The following EPHB1 variants were observed in gnomAD, a reference collection of about 807,000 sequenced individuals.
EPHB1 encodes ephrin type-B receptor 1.
Under a neutral mutation model 94.4 loss-of-function variants are expected in EPHB1, and 30 were observed. That is an observed-to-expected ratio of 0.32 (90% CI 0.24 to 0.43). The LOEUF is 0.43. EPHB1 is among the 20% of genes least tolerant of loss of function. EPHB1 has a pLI of 1.00. For missense variants in EPHB1, 1,055 were observed against 1,308.3 expected (o/e 0.81, Z 2.99); for synonymous variants, 522 against 489.1 (o/e 1.07, Z -0.89).
chr3:135,129,026 A>G (rs1028278375), intron 4 of EPHB1, among the ~76,000 whole-genome samples: 1 of 152,140 alleles, frequency 6.6e-6, no homozygotes. Context: ...CTTGGAAGGA[A>G]GGGATTCAGA....
chr3:135,243,873 C>T (rs2107729245), intron 13 of EPHB1, among the ~76,000 whole-genome samples: 1 of 152,272 alleles, frequency 6.6e-6, no homozygotes, highest in Admixed American at 6.5e-5. Flanking sequence ...GTGGCAGTGT[C>T]TGTGGAGAGG....
At chr3:135,147,210 T>C (rs1315225845) in intron 5 of EPHB1, among the ~76,000 whole-genome samples, 1 of 152,082 alleles carries the variant, frequency 6.6e-6, no homozygotes, top group Non-Finnish European at 1.5e-5. Flanking sequence ...CCTTACCCGT[T>C]TTCTTCACAG....
chr3:135,174,639 T>G (rs1427845208), intron 9 of EPHB1, among the ~76,000 whole-genome samples: 1 of 152,204 alleles, frequency 6.6e-6, no homozygotes, highest in Non-Finnish European at 1.5e-5. Flanking sequence ...CTTAGCACAG[T>G]GCTGGTTTGG....
At chr3:135,044,936 T>G (rs1936954602) in intron 3 of EPHB1, among the ~76,000 whole-genome samples, 1 of 152,218 alleles carries the variant, frequency 6.6e-6, no homozygotes, top group African/African-American at 2.4e-5. Flanking sequence ...TTTAATGTTT[T>G]CAGGCATCTC....
chr3:135,259,087 C>T lies in EPHB1; in HGVS notation c.2922C>T (p.Val974=). The T allele has an allele frequency of 6.2e-7, 1 of 1,610,086 alleles. No individual in the cohort carries two copies. Residue 974 remains valine, a synonymous_variant, in exon 16 of 16, where the codon GTC becomes GTT. Transcript: ENST00000398015. ...KILNSIHSMR[V]QISQSPTAMA ...TGAACAGCATTCATTCTATGAGGGT[C>T]CAGATAAGTCAGTCACCAACGGCAA...
intron 3 of EPHB1, among the ~76,000 whole-genome samples, chr3:134,954,747 C>T (rs557387618): frequency 2.6e-5 from 4 of 152,218 alleles, no homozygotes; most frequent in Non-Finnish European, 5.9e-5. Flanking sequence ...TGCATGGAAA[C>T]AGAACAGACT....
chr3:134,951,422 C>T lies in EPHB1; in HGVS notation c.175C>T (p.Gln59Ter), dbSNP rs750670511. ...AAACCTGAACACCATCCGCACCTAC[C>T]AGGTGTGCAATGTCTTCGAGCCCAA... ...DENLNTIRTY[Q>*]VCNVFEPNQN... Residue 59 changes from glutamine (Q) to a stop codon, truncating the protein, a stop_gained, in exon 3 of 16, where the codon CAG becomes TAG. Transcript: ENST00000398015. LOFTEE classifies it high-confidence loss of function. This position sits in a 1 kb window ranked among gnomAD's most constrained non-coding sequence, Gnocchi z 4.5. The T allele has an allele frequency of 1.2e-6, 2 of 1,604,700 alleles. No homozygotes were observed. Among genetic ancestry groups the T allele is most frequent in the Middle Eastern group, 1.7e-4 (1 of 6,006 alleles).
intron 1 of EPHB1, among the ~76,000 whole-genome samples, chr3:134,796,916 C>T (rs1013572619): frequency 2.0e-5 from 3 of 152,216 alleles, no homozygotes; most frequent in African/African-American, 7.2e-5. Flanking sequence ...AAACTGTGAC[C>T]GGTTGCCCAG....
chr3:134,879,047 T>G (rs2037674898), intron 1 of EPHB1, among the ~76,000 whole-genome samples: 1 of 152,210 alleles, frequency 6.6e-6, no homozygotes, highest in African/African-American at 2.4e-5. Flanking sequence ...TGCCACTCCA[T>G]GTGATCTTGT....
intron 3 of EPHB1, among the ~76,000 whole-genome samples, chr3:135,048,999 A>G (rs1270312465): frequency 6.6e-6 from 1 of 152,048 alleles, no homozygotes; most frequent in African/African-American, 2.4e-5. Flanking sequence ...TGGGCTATCT[A>G]TTACCCTATA....
At chr3:134,839,695 A>G (rs2036741277) in intron 1 of EPHB1, among the ~76,000 whole-genome samples, 1 of 152,194 alleles carries the variant, frequency 6.6e-6, no homozygotes, top group Non-Finnish European at 1.5e-5. Flanking sequence ...CTGGCATAAG[A>G]CAGGACAGTG....
At chr3:134,886,782 G>A (rs78620401) in intron 1 of EPHB1, among the ~76,000 whole-genome samples, 2 of 151,936 alleles carry the variant, frequency 1.3e-5, no homozygotes, top group East Asian at 3.9e-4. Context: ...TTTTAAATAG[G>A]TGAGGAAATT....
At chr3:134,966,026 G>A (rs1178663725) in intron 3 of EPHB1, among the ~76,000 whole-genome samples, 1 of 152,148 alleles carries the variant, frequency 6.6e-6, no homozygotes. Context: ...AGGCCACAAA[G>A]AGCTCTGTAG....
chr3:134,845,720 C>T (rs1031015781), intron 1 of EPHB1, among the ~76,000 whole-genome samples: 1 of 152,192 alleles, frequency 6.6e-6, no homozygotes, highest in African/African-American at 2.4e-5. Flanking sequence ...TACATGCTCA[C>T]ATTGCCTCTC....
intron 6 of EPHB1, among the ~76,000 whole-genome samples, chr3:135,159,195 T>TA (rs913755881): frequency 2.0e-5 from 3 of 151,970 alleles, no homozygotes; most frequent in South Asian, 4.2e-4. Flanking sequence ...CCAATAATAA[T>TA]AAAAAAAAGC....
chr3:135,204,883 T>A (rs924524158), intron 12 of EPHB1, among the ~76,000 whole-genome samples: 1 of 19,048 alleles, frequency 5.2e-5, no homozygotes, highest in Non-Finnish European at 8.6e-5. Context: ...GTTTTATTCT[T>A]TTTTTTTTTT....
At chr3:134,940,453 T>G (rs2039088975) in intron 2 of EPHB1, among the ~76,000 whole-genome samples, 1 of 152,240 alleles carries the variant, frequency 6.6e-6, no homozygotes, top group Non-Finnish European at 1.5e-5. Flanking sequence ...AGGTGGGGTC[T>G]GCCTGCCCTG....
At chr3:134,854,641 C>T (rs1042227718) in intron 1 of EPHB1, among the ~76,000 whole-genome samples, 2 of 152,102 alleles carry the variant, frequency 1.3e-5, no homozygotes, top group Admixed American at 6.5e-5. Context: ...TCTGAGTAAT[C>T]GCTTTGTATG....
intron 12 of EPHB1, among the ~76,000 whole-genome samples, chr3:135,213,131 C>A (rs1270467806): frequency 6.6e-6 from 1 of 152,220 alleles, no homozygotes; most frequent in Admixed American, 6.5e-5. Flanking sequence ...TCTCACTCTG[C>A]CTTAATTCTC....
Sources: gnomAD v4.1 joint callset for allele counts (sites outside exome capture counted in the v4.1 genomes callset) on GRCh38, gnomAD v4.1.1 for gene constraint, Gnocchi (gnomAD v3.1) non-coding constraint, MANE v1.5 for transcripts, NCBI Gene and HGNC (gene_info 2026-07-23, HGNC 2026-07-21) for gene names.